ERC1: variants seen among roughly 807,000 people sequenced by gnomAD.
The protein encoded by ERC1 is ELKS/RAB6-interacting/CAST family member 1.
A neutral mutation model predicts 132.0 loss-of-function variants in ERC1; 56 were observed. The observed-to-expected ratio is 0.42, with a 90% CI of 0.34 to 0.53. The LOEUF (loss-of-function observed/expected upper bound fraction) is 0.53, where lower values mean the gene tolerates loss of function less well. Ranked by LOEUF, ERC1 falls within the 20% of genes least tolerant of loss-of-function variation. The pLI is 0.03. For synonymous variants in ERC1, 478 were observed against 476.1 expected, an observed-to-expected ratio of 1.00 and a Z score of -0.05; for missense variants, 1,202 against 1,349.9, an observed-to-expected ratio of 0.89 and a Z score of 1.72.
chr12:1,417,988 A>G (rs2092206820), intron 17 of ERC1, among the ~76,000 whole-genome samples: 1 of 152,174 alleles, frequency 6.6e-6, no homozygotes, highest in South Asian at 2.1e-4. Flanking sequence ...TACCATTTTC[A>G]TTATTTTACT....
chr12:1,131,013 A>G (rs1948711915), intron 7 of ERC1, among the ~76,000 whole-genome samples: 1 of 152,262 alleles, frequency 6.6e-6, no homozygotes, highest in Admixed American at 6.5e-5. Context: ...TGTGGAATAC[A>G]GGAAAATTGT....
At chr12:1,338,345 G>A (rs2083484932) in intron 15 of ERC1, among the ~76,000 whole-genome samples, 1 of 152,260 alleles carries the variant, frequency 6.6e-6, no homozygotes. Flanking sequence ...ACTTGTGACT[G>A]CATTATGAAA....
rs568032674 is a variant in ERC1 at position 1,340,372 on chromosome 12, C to G, written c.2781-31461C>G. On this transcript the variant is annotated intron_variant, in intron 15 of 18. Coordinates refer to ENST00000360905, the MANE Select transcript of ERC1 (RefSeq NM_178040.4). ...AGGGAGATGGGCTTCCCTAGCCATG[C>G]TCCACTACAGACTCTACCACACCAA... 2.0e-5 allele frequency among the ~76,000 whole-genome samples: 3 copies of G among 152,226 alleles called. No individual in the cohort carries two copies. In the East Asian group the frequency reaches 5.8e-4, roughly 30 times the overall value.
At position 1,112,281 on chromosome 12, in the gene ERC1, G is replaced by A. The variant is rs763802641; in HGVS notation, c.1384G>A (p.Ala462Thr). The A allele has an allele frequency of 6.2e-7, 1 of 1,613,056 alleles. No homozygotes were observed. Residue 462 changes from alanine to threonine, a missense_variant, in exon 6 of 19, where the codon GCT becomes ACT. By Grantham distance (58) the Ala-to-Thr change is moderately conservative (BLOSUM62 0). Transcript: ENST00000360905. ...AQWEELKKKA[A>T]GLQAEIGQVK... is the part of the protein sequence containing the mutation. ...ATGGGAGGAGCTGAAAAAGAAAGCGGCTGGTCTTCAGGCTGAGGTCTTTGC... is the reference window on the plus strand; with the variant it reads ...ATGGGAGGAGCTGAAAAAGAAAGCGACTGGTCTTCAGGCTGAGGTCTTTGC...
chr12:1,460,328 G>A (rs1393181282), intron 18 of ERC1, among the ~76,000 whole-genome samples: 1 of 152,166 alleles, frequency 6.6e-6, no homozygotes, highest in East Asian at 1.9e-4. Flanking sequence ...GAAAATACAA[G>A]TATTAGCCTA....
chr12:1,122,859 A>G (rs1947733618), intron 7 of ERC1, among the ~76,000 whole-genome samples: 1 of 152,144 alleles, frequency 6.6e-6, no homozygotes, highest in Admixed American at 6.5e-5. Context: ...TGACACTGGT[A>G]TGATATTCAA....
At chr12:1,246,215 G>A (rs113288557) in intron 13 of ERC1, among the ~76,000 whole-genome samples, 282 of 152,058 alleles carry the variant, frequency 1.9e-3, no homozygotes, top group African/African-American at 6.4e-3. Flanking sequence ...AACATTATTC[G>A]TAATTGCAAA....
chr12:1,464,300 C>T (rs2093698889), intron 18 of ERC1, among the ~76,000 whole-genome samples: 5 of 152,020 alleles, frequency 3.3e-5, no homozygotes, highest in Admixed American at 3.3e-4. Flanking sequence ...CAGTCATTTC[C>T]TTCCATAGCT....
At chr12:1,279,614 G>A (rs2078523264) in intron 14 of ERC1, among the ~76,000 whole-genome samples, 1 of 150,164 alleles carries the variant, frequency 6.7e-6, no homozygotes, top group Non-Finnish European at 1.5e-5. Context: ...TTAAACCCCA[G>A]AAATGACTGC....
intron 17 of ERC1, among the ~76,000 whole-genome samples, chr12:1,423,778 A>T (rs925856337): frequency 2.6e-5 from 4 of 152,188 alleles, no homozygotes; most frequent in Admixed American, 6.5e-5. Context: ...AGACTCATTT[A>T]TGATTGTTAT....
intron 12 of ERC1, among the ~76,000 whole-genome samples, chr12:1,217,875 G>A (rs988394227): frequency 6.6e-6 from 1 of 152,266 alleles, no homozygotes; most frequent in African/African-American, 2.4e-5. Flanking sequence ...CTGATTTAAA[G>A]CAAGTGTCTT....
intron 12 of ERC1, chr12:1,204,486 T>C (rs918545191): frequency 1.9e-6 from 3 of 1,586,332 alleles, no homozygotes; most frequent in Non-Finnish European, 2.6e-6. Flanking sequence ...TTCCTGGATT[T>C]CCTGTTTCCT....
chr12:1,477,450 T>C (rs567891724), intron 18 of ERC1, among the ~76,000 whole-genome samples: 16 of 152,208 alleles, frequency 1.1e-4, no homozygotes, highest in African/African-American at 3.4e-4. Context: ...CGTGTGAGAC[T>C]GAGCAGAAAG....
At chr12:1,424,876 A>AGATC (rs769227122) in intron 17 of ERC1, among the ~76,000 whole-genome samples, 4 of 147,082 alleles carry the variant, frequency 2.7e-5, no homozygotes, top group East Asian at 2.0e-4. Flanking sequence ...ATAGATAGAT[A>AGATC]GATAGATAGA....
At chr12:1,394,350 A>C (rs2090343511) in intron 16 of ERC1, among the ~76,000 whole-genome samples, 1 of 152,166 alleles carries the variant, frequency 6.6e-6, no homozygotes, top group Admixed American at 6.5e-5. Flanking sequence ...CAGTGAGCCG[A>C]GATTGCGCCA....
chr12:1,243,939 G>A (rs1185874674), intron 13 of ERC1, among the ~76,000 whole-genome samples: 2 of 152,162 alleles, frequency 1.3e-5, no homozygotes, highest in African/African-American at 4.8e-5. Flanking sequence ...TTTTTTCTAT[G>A]TAGAGCTAAG....
intron 12 of ERC1, among the ~76,000 whole-genome samples, chr12:1,229,420 G>A (rs1465451710): frequency 6.6e-6 from 1 of 152,134 alleles, no homozygotes; most frequent in Non-Finnish European, 1.5e-5. Flanking sequence ...AGGATCCTTT[G>A]ACCCCAGAAT....
intron 12 of ERC1, among the ~76,000 whole-genome samples, chr12:1,222,291 G>A (rs760492014): frequency 3.3e-5 from 5 of 151,150 alleles, no homozygotes; most frequent in Admixed American, 1.3e-4. Context: ...GAGCAGTGGC[G>A]CGATCTTGGC....
chr12:1,173,124 A>G (rs1240999224), intron 8 of ERC1, among the ~76,000 whole-genome samples: 2 of 152,212 alleles, frequency 1.3e-5, no homozygotes, highest in Non-Finnish European at 2.9e-5. Flanking sequence ...ATTAATAAAC[A>G]CTATAATCAT....
Sources: allele counts gnomAD v4.1 joint callset (sites outside exome capture counted in the v4.1 genomes callset), GRCh38; gene constraint gnomAD v4.1.1; transcripts MANE v1.5; gene names NCBI Gene and HGNC (gene_info 2026-07-23, HGNC 2026-07-21).